Variants in INPP4A observed in about 807,000 individuals in gnomAD.
INPP4A encodes the protein inositol polyphosphate-4-phosphatase, type I, 107kD.
Under a neutral mutation model 119.8 loss-of-function variants are expected in INPP4A, and 33 were observed. The observed-to-expected ratio is 0.28, with a 90% CI of 0.21 to 0.37. INPP4A has a LOEUF of 0.37. INPP4A is among the 10% of genes least tolerant of loss of function. The probability of loss-of-function intolerance (pLI) is 1.00; values close to 1 mark genes in which losing one functional copy is unlikely to be tolerated. For missense variants in INPP4A, 956 were observed against 1,289.9 expected, an observed-to-expected ratio of 0.74 and a Z score of 3.97; for synonymous variants, 496 against 500.7, an observed-to-expected ratio of 0.99 and a Z score of 0.12.
chr2:98,451,776 A>G (rs557531566), intron 1 of INPP4A, among the ~76,000 whole-genome samples: 2 of 152,324 alleles, frequency 1.3e-5, no homozygotes, highest in South Asian at 2.1e-4. Context: ...TGAATTTTCA[A>G]GAAGGATGAC....
Position 98,548,863 on chromosome 2 carries a change from A to G in INPP4A, c.1163+2169A>G. The G allele has an allele frequency of 4.9e-6, 6 of 1,223,420 alleles. No homozygotes were observed. In the South Asian group the frequency reaches 5.4e-5, roughly 11 times the overall value. The allele number at this position is 1,223,420 out of a possible 1,614,324, so 75.8% of individuals were successfully genotyped here. ...AACAAATAATTTTAAGTATTTTGACAAAAAATAAGTTGGCTTTTTAATTTT... is the reference window on the plus strand; with the variant it reads ...AACAAATAATTTTAAGTATTTTGACGAAAAATAAGTTGGCTTTTTAATTTT... On this transcript the variant is annotated intron_variant, in intron 13 of 24. Transcript: ENST00000409851.
chr2:98,471,419 G>A (rs1477738278), intron 1 of INPP4A, among the ~76,000 whole-genome samples: 1 of 152,226 alleles, frequency 6.6e-6, no homozygotes, highest in Non-Finnish European at 1.5e-5. Context: ...TAGCAGGTGG[G>A]AGTATGGTTT....
Position 98,558,303 on chromosome 2 carries a change from AG to A in INPP4A, c.1823-1156del, listed in dbSNP as rs762681529. 1.6e-3 allele frequency among the ~76,000 whole-genome samples: 250 copies of A among 152,316 alleles called. 1 individual carries two copies. The highest frequency in any genetic ancestry group is 2.5e-3 in the Non-Finnish European group (173 of 68,018). On this transcript the variant is annotated intron_variant, in intron 16 of 24. Coordinates refer to ENST00000409851, the MANE Select transcript of INPP4A (RefSeq NM_001134225.2). Reference sequence around the variant, plus strand: ...ATTCATAAGCTCAGAATCCTAGAAGAGGGGTTATGGGGAGGCAAAAATCTGT... The same window carrying A: ...ATTCATAAGCTCAGAATCCTAGAAGAGGGTTATGGGGAGGCAAAAATCTGT...
chr2:98,516,152 A>G (rs1686082979), intron 1 of INPP4A, among the ~76,000 whole-genome samples: 1 of 152,188 alleles, frequency 6.6e-6, no homozygotes, highest in Non-Finnish European at 1.5e-5. Flanking sequence ...TTGGGAATAT[A>G]CGAATCCTTG....
intron 3 of INPP4A, 89 bp from the exon 4 acceptor site, chr2:98,520,598 G>T: frequency 1.3e-6 from 1 of 783,982 alleles, no homozygotes; most frequent in Admixed American, 2.8e-5. Context: ...TTGTTGTTGG[G>T]GGGAAGTAGA....
intron 4 of INPP4A, among the ~76,000 whole-genome samples, chr2:98,529,858 C>T (rs1030513589): frequency 1.3e-5 from 2 of 152,140 alleles, no homozygotes; most frequent in Admixed American, 6.5e-5. Context: ...CTGCTGAAAA[C>T]TCTTATTAAA....
chr2:98,587,366 T>G, intron 24 of INPP4A, 110 bp from the exon 25 acceptor site: 3 of 1,161,930 alleles, frequency 2.6e-6, no homozygotes, highest in Non-Finnish European at 3.5e-6. Flanking sequence ...CCATTTAAAT[T>G]AATCTTTTTT....
chr2:98,455,508 C>T (rs1235804228), intron 1 of INPP4A, among the ~76,000 whole-genome samples: 4 of 152,080 alleles, frequency 2.6e-5, no homozygotes. Context: ...TGTGGTTTGT[C>T]CCCAACTTGC....
chr2:98,524,648 C>A (rs1396496926), intron 4 of INPP4A, among the ~76,000 whole-genome samples: 2 of 152,206 alleles, frequency 1.3e-5, no homozygotes, highest in African/African-American at 4.8e-5. Flanking sequence ...AGAAAACTCA[C>A]ACCTGATAAA....
At chr2:98,476,853 C>G (rs995571104) in intron 1 of INPP4A, among the ~76,000 whole-genome samples, 2 of 152,172 alleles carry the variant, frequency 1.3e-5, no homozygotes, top group Non-Finnish European at 2.9e-5. Context: ...TAACCTTCTT[C>G]AAGGCCTTGT....
intron 1 of INPP4A, among the ~76,000 whole-genome samples, chr2:98,499,074 C>T (rs1043440255): frequency 6.6e-6 from 1 of 152,222 alleles, no homozygotes; most frequent in African/African-American, 2.4e-5. Flanking sequence ...ACTAGGAAAG[C>T]AGTCCCACTC....
At chr2:98,522,709 G>A (rs548690314) in intron 4 of INPP4A, among the ~76,000 whole-genome samples, 18 of 151,940 alleles carry the variant, frequency 1.2e-4, no homozygotes, top group African/African-American at 4.1e-4. Context: ...ATAACAAGGT[G>A]TATTGTGGTG....
intron 1 of INPP4A, among the ~76,000 whole-genome samples, chr2:98,464,170 A>C (rs2104701139): frequency 6.6e-6 from 1 of 152,250 alleles, no homozygotes; most frequent in South Asian, 2.1e-4. Context: ...GACAGTCTTC[A>C]AATCTTGCAC....
intron 1 of INPP4A, among the ~76,000 whole-genome samples, chr2:98,507,737 G>A (rs2105480374): frequency 6.6e-6 from 1 of 152,306 alleles, no homozygotes; most frequent in African/African-American, 2.4e-5. Flanking sequence ...TGATGGACAT[G>A]GGTAAGCAGA....
chr2:98,543,813 C>A, intron 10 of INPP4A, 64 bp from the exon 11 acceptor site: 1 of 1,594,820 alleles, frequency 6.3e-7, no homozygotes, highest in South Asian at 1.1e-5. Flanking sequence ...CTGGGTAGAC[C>A]TCCTGGGCCT....
intron 1 of INPP4A, among the ~76,000 whole-genome samples, chr2:98,490,965 C>T (rs1385344569): frequency 1.3e-5 from 2 of 151,926 alleles, no homozygotes; most frequent in African/African-American, 4.8e-5. Context: ...TTAATGATAG[C>T]ATTTTAATTT....
chr2:98,458,077 C>T (rs72820000), intron 1 of INPP4A, among the ~76,000 whole-genome samples: 2,259 of 151,736 alleles, frequency 0.015, 27 homozygotes, highest in Middle Eastern at 0.024. Context: ...CCTTAACCTC[C>T]GAAAGTGCTT....
intron 1 of INPP4A, among the ~76,000 whole-genome samples, chr2:98,463,900 C>CAGAGCAG (rs1451029303): frequency 6.6e-6 from 1 of 152,206 alleles, no homozygotes; most frequent in African/African-American, 2.4e-5. Context: ...GCTCCGTGCA[C>CAGAGCAG]AGCCCTTGTC....
In INPP4A at chr2:98,538,932, A is replaced by C; in HGVS notation, c.621A>C (p.Gly207=). Residue 207 remains glycine, a synonymous_variant, in exon 9 of 25, where the codon GGA becomes GGC. Transcript: ENST00000409851. ...ATGAGAGCTTGACGGAGGCGTTAGGAATCCGATCCAAATACGCTTCATTGC... is the reference window on the plus strand; with the variant it reads ...ATGAGAGCTTGACGGAGGCGTTAGGCATCCGATCCAAATACGCTTCATTGC... ...PVDESLTEAL[G]IRSKYASLRK... The C allele has an allele frequency of 6.2e-7, 1 of 1,612,078 alleles. No individual in the cohort carries two copies. The highest frequency in any genetic ancestry group is 8.5e-7 in the Non-Finnish European group (1 of 1,178,658).
Sources: gnomAD v4.1 joint callset for allele counts (sites outside exome capture counted in the v4.1 genomes callset) on GRCh38, gnomAD v4.1.1 for gene constraint, MANE v1.5 for transcripts, NCBI Gene and HGNC (gene_info 2026-07-23, HGNC 2026-07-21) for gene names.